CAMK4: variants seen among roughly 807,000 people sequenced by gnomAD.
CAMK4 encodes calcium/calmodulin-dependent protein kinase type IV.
CAMK4 carries 22 observed loss-of-function variants against 44.9 expected under a neutral mutation model. The observed-to-expected ratio is 0.49, with a 90% confidence interval of 0.35 to 0.70. The LOEUF is 0.70. Ranked by LOEUF, CAMK4 falls within the 30% of genes least tolerant of loss-of-function variation. CAMK4 has a pLI of 0.01. For missense variants in CAMK4, 498 were observed against 586.8 expected, an observed-to-expected ratio of 0.85 and a Z score of 1.56; for synonymous variants, 218 against 215.4, an observed-to-expected ratio of 1.01 and a Z score of -0.11.
chr5:111,291,988 T>C (rs114374984), intron 1 of CAMK4, among the ~76,000 whole-genome samples: 62 of 152,334 alleles, frequency 4.1e-4, no homozygotes, highest in African/African-American at 1.4e-3. Flanking sequence ...TGCAGGTGCT[T>C]AAGAAAATGC....
At chr5:111,314,950 A>G (rs75024050) in intron 1 of CAMK4, among the ~76,000 whole-genome samples, 5,028 of 152,230 alleles carry the variant, frequency 0.033, 118 homozygotes, top group Non-Finnish European at 0.05. Context: ...CAAAAAAAGT[A>G]TCTTATCAAA....
intron 7 of CAMK4, among the ~76,000 whole-genome samples, chr5:111,470,343 A>G (rs1755020090): frequency 6.6e-6 from 1 of 152,222 alleles, no homozygotes; most frequent in African/African-American, 2.4e-5. Flanking sequence ...ATTCATCTGT[A>G]GATTAAAAAA....
chr5:111,365,220 T>C (rs1750747597), intron 2 of CAMK4: 1 of 152,112 alleles, frequency 6.6e-6, no homozygotes, highest in Non-Finnish European at 1.5e-5. Context: ...ATTATTAGTA[T>C]ATACTAGTGG....
intron 2 of CAMK4, among the ~76,000 whole-genome samples, chr5:111,365,825 T>G (rs1178972909): frequency 6.6e-6 from 1 of 152,114 alleles, no homozygotes; most frequent in Non-Finnish European, 1.5e-5. Context: ...ATTAAAATTC[T>G]GTACTTATTG....
chr5:111,444,557 T>C (rs1196590564), intron 5 of CAMK4, among the ~76,000 whole-genome samples: 1 of 152,180 alleles, frequency 6.6e-6, no homozygotes, highest in Non-Finnish European at 1.5e-5. Context: ...CCAGCTATTA[T>C]TTGAGAGTAG....
chr5:111,375,612 A>C (rs1751185593), intron 3 of CAMK4, among the ~76,000 whole-genome samples: 1 of 152,186 alleles, frequency 6.6e-6, no homozygotes, highest in South Asian at 2.1e-4. Context: ...AGTGCTCAAA[A>C]CTTAACATAT....
intron 7 of CAMK4, among the ~76,000 whole-genome samples, chr5:111,472,522 G>C (rs1201981198): frequency 6.6e-6 from 1 of 152,150 alleles, no homozygotes; most frequent in Non-Finnish European, 1.5e-5. Flanking sequence ...AGTACTCAGG[G>C]AAAGTGCCTG....
At chr5:111,242,187 C>T (rs527510220) in intron 1 of CAMK4, among the ~76,000 whole-genome samples, 4 of 152,242 alleles carry the variant, frequency 2.6e-5, no homozygotes, top group East Asian at 1.9e-4. Flanking sequence ...AGAAATCCAG[C>T]GGTATTCTGG....
chr5:111,376,709 A>G, intron 3 of CAMK4, 151 bp from the exon 4 acceptor site: 2 of 430,148 alleles, frequency 4.6e-6, no homozygotes. Context: ...AGAGTGAGAA[A>G]TAGCTAGCTG....
chr5:111,354,899 A>G (rs1377573830), intron 2 of CAMK4, among the ~76,000 whole-genome samples: 1 of 152,096 alleles, frequency 6.6e-6, no homozygotes, highest in African/African-American at 2.4e-5. Flanking sequence ...TTTTCTGCCT[A>G]AACTTTGGAA....
chr5:111,397,693 T>TGTGTGTGTGTG (rs1580699606), intron 5 of CAMK4, among the ~76,000 whole-genome samples: 6 of 109,242 alleles, frequency 5.5e-5, no homozygotes, highest in South Asian at 2.8e-4. Context: ...GTGTGTGTGT[T>TGTGTGTGTGTG]TGCAGTTTAC....
chr5:111,226,779 G>A (rs1283160594), intron 1 of CAMK4, among the ~76,000 whole-genome samples: 2 of 152,216 alleles, frequency 1.3e-5, no homozygotes, highest in Admixed American at 6.5e-5. Context: ...CCGGTGCCCA[G>A]CATCAGAGAG....
At chr5:111,326,054 A>G (rs1748874741) in intron 1 of CAMK4, among the ~76,000 whole-genome samples, 1 of 152,104 alleles carries the variant, frequency 6.6e-6, no homozygotes, top group Admixed American at 6.6e-5. Flanking sequence ...CTAAATAAAT[A>G]TAAAAGAAGA....
chr5:111,457,792 A>G (rs116052182), intron 7 of CAMK4, among the ~76,000 whole-genome samples: 171 of 152,352 alleles, frequency 1.1e-3, no homozygotes, highest in African/African-American at 3.9e-3. Flanking sequence ...CAGAAGAATA[A>G]ATAGCTTAAG....
chr5:111,239,572 G>C (rs1748895005), intron 1 of CAMK4, among the ~76,000 whole-genome samples: 1 of 152,152 alleles, frequency 6.6e-6, no homozygotes, highest in Admixed American at 6.5e-5. Context: ...TTTGGAGTTA[G>C]AAAGACCTGC....
intron 5 of CAMK4, among the ~76,000 whole-genome samples, chr5:111,440,187 G>T (rs949465620): frequency 2.0e-5 from 3 of 152,122 alleles, no homozygotes; most frequent in Non-Finnish European, 4.4e-5. Context: ...AGGAAATGGA[G>T]AGGAAGAGGT....
At chr5:111,282,112 C>A (rs1751049053) in intron 1 of CAMK4, among the ~76,000 whole-genome samples, 2 of 151,844 alleles carry the variant, frequency 1.3e-5, no homozygotes, top group Admixed American at 6.6e-5. Context: ...TAATTTATTG[C>A]ATTTTTTCTT....
At chr5:111,405,003 G>A (rs1308782157) in intron 5 of CAMK4, among the ~76,000 whole-genome samples, 1 of 152,142 alleles carries the variant, frequency 6.6e-6, no homozygotes, top group Non-Finnish European at 1.5e-5. Context: ...CAGAGGTCAA[G>A]AAATTCACCA....
intron 7 of CAMK4, among the ~76,000 whole-genome samples, chr5:111,471,624 C>G (rs1755069443): frequency 1.3e-5 from 2 of 152,152 alleles, no homozygotes; most frequent in Admixed American, 1.3e-4. Flanking sequence ...CAGACTAGAT[C>G]CTGTTTGGAC....
Sources: gnomAD v4.1 joint callset for allele counts (sites outside exome capture counted in the v4.1 genomes callset) on GRCh38, gnomAD v4.1.1 for gene constraint, MANE v1.5 for transcripts, NCBI Gene and HGNC (gene_info 2026-07-23, HGNC 2026-07-21) for gene names.